Variants in ALCAM observed in about 807,000 individuals in gnomAD.
The protein encoded by ALCAM is CD166 antigen.
ALCAM carries 30 observed loss-of-function variants against 70.9 expected under a neutral mutation model. That is an observed-to-expected ratio of 0.42 (90% CI 0.32 to 0.57). ALCAM has a LOEUF of 0.57. ALCAM is among the 20% of genes least tolerant of loss of function. The pLI, the probability that ALCAM is intolerant of heterozygous loss-of-function variation, is 0.11. For missense variants in ALCAM, 591 were observed against 695.1 expected, an observed-to-expected ratio of 0.85 and a Z score of 1.68; for synonymous variants, 249 against 242.5, an observed-to-expected ratio of 1.03 and a Z score of -0.25.
At chr3:105,470,257 G>A (rs1046987444) in intron 1 of ALCAM, among the ~76,000 whole-genome samples, 20 of 150,316 alleles carry the variant, frequency 1.3e-4, no homozygotes, top group Admixed American at 7.3e-4. Context: ...AAATTGAAAG[G>A]CATGCATTTT....
chr3:105,394,317 C>T (rs1041853788), intron 1 of ALCAM, among the ~76,000 whole-genome samples: 5 of 151,920 alleles, frequency 3.3e-5, no homozygotes, highest in East Asian at 1.9e-4. Flanking sequence ...TACATAGCTA[C>T]GCGGAAGGGA....
intron 1 of ALCAM, among the ~76,000 whole-genome samples, chr3:105,369,573 C>T (rs781569319): frequency 6.6e-6 from 1 of 152,224 alleles, no homozygotes; most frequent in Non-Finnish European, 1.5e-5. Flanking sequence ...ACTGAGGAAG[C>T]AAGTCTTGGA....
chr3:105,473,890 T>G (rs1270972641), intron 1 of ALCAM, among the ~76,000 whole-genome samples: 7 of 151,526 alleles, frequency 4.6e-5, no homozygotes, highest in African/African-American at 1.5e-4. Context: ...TGTTTTGTTT[T>G]TTTTTTTAAA....
intron 1 of ALCAM, among the ~76,000 whole-genome samples, chr3:105,378,449 G>A (rs1284893617): frequency 1.3e-5 from 2 of 151,870 alleles, no homozygotes; most frequent in East Asian, 3.9e-4. Context: ...TAAGAAGAAT[G>A]TTTATGGTGA....
chr3:105,575,269 A>G lies in ALCAM; in HGVS notation c.*818A>G, dbSNP rs1940937108. On this transcript the variant is annotated 3_prime_UTR_variant, in exon 16 of 16. Coordinates refer to ENST00000306107, the MANE Select transcript of ALCAM (RefSeq NM_001627.4). ...GTGTGAGAGACAGTTTGGAAAAATC[A>G]TGGTCAACATTCCCATTTTCATAGA... is the stretch of plus-strand genomic sequence containing the variant. 1 of 152,618 alleles carries G rather than the reference A, an allele frequency of 6.6e-6. No individual in the cohort carries two copies. Among genetic ancestry groups the G allele is most frequent in the Non-Finnish European group, 1.5e-5 (1 of 68,034 alleles). The allele number at this position is 152,618 out of a possible 1,614,324, so 9.5% of individuals were successfully genotyped here. A position where few individuals can be genotyped will look rare whatever the true frequency, so the allele number is the denominator to read the frequency against.
At chr3:105,406,736 AAAC>A (rs1302174172) in intron 1 of ALCAM, among the ~76,000 whole-genome samples, 1 of 151,984 alleles carries the variant, frequency 6.6e-6, no homozygotes, top group East Asian at 1.9e-4. Context: ...CAACAACAAA[AAAC>A]AATAAAAAGA....
At chr3:105,520,361 T>A (rs1402208485) in intron 2 of ALCAM, among the ~76,000 whole-genome samples, 194 bp downstream of exon 2, 1 of 152,174 alleles carries the variant, frequency 6.6e-6, no homozygotes, top group Non-Finnish European at 1.5e-5. Flanking sequence ...TATTTTAAAA[T>A]AAAGCCAATA....
intron 14 of ALCAM, among the ~76,000 whole-genome samples, chr3:105,564,345 C>T (rs186764297): frequency 1.6e-4 from 24 of 152,274 alleles, no homozygotes; most frequent in Admixed American, 1.5e-3. Flanking sequence ...CTAAGCCTCA[C>T]AACACACTGT....
At chr3:105,567,534 G>A (rs1940770516) in intron 14 of ALCAM, among the ~76,000 whole-genome samples, 1 of 151,774 alleles carries the variant, frequency 6.6e-6, no homozygotes, top group Admixed American at 6.6e-5. Flanking sequence ...TTTGTTCCTA[G>A]GTTCACTAAT....
At chr3:105,494,486 C>T (rs550216845) in intron 1 of ALCAM, among the ~76,000 whole-genome samples, 2 of 150,726 alleles carry the variant, frequency 1.3e-5, no homozygotes, top group South Asian at 2.1e-4. Flanking sequence ...TCTCTTTTTT[C>T]GGCCTAAGCA....
At chr3:105,400,715 T>G (rs966341529) in intron 1 of ALCAM, among the ~76,000 whole-genome samples, 1 of 152,086 alleles carries the variant, frequency 6.6e-6, no homozygotes, top group Non-Finnish European at 1.5e-5. Context: ...GGTAGTTGTG[T>G]TGGAAGTGGT....
intron 1 of ALCAM, among the ~76,000 whole-genome samples, chr3:105,444,716 T>C (rs1008670404): frequency 6.6e-6 from 1 of 152,226 alleles, no homozygotes; most frequent in Non-Finnish European, 1.5e-5. Context: ...ATAATACTAT[T>C]TTAGTTTGTG....
At chr3:105,436,129 T>A (rs1937043484) in intron 1 of ALCAM, among the ~76,000 whole-genome samples, 1 of 152,164 alleles carries the variant, frequency 6.6e-6, no homozygotes, top group African/African-American at 2.4e-5. Flanking sequence ...GCCCCCATGA[T>A]TCAATCATCT....
intron 6 of ALCAM, among the ~76,000 whole-genome samples, chr3:105,537,148 C>T (rs1939991204): frequency 7.7e-6 from 1 of 129,644 alleles, no homozygotes; most frequent in South Asian, 2.4e-4. Flanking sequence ...CAGTCCACTC[C>T]TTTCTTACCC....
intron 1 of ALCAM, among the ~76,000 whole-genome samples, chr3:105,508,802 C>T (rs904501786): frequency 1.6e-5 from 2 of 125,380 alleles, no homozygotes; most frequent in Admixed American, 8.8e-5. Flanking sequence ...CCACAGTCAT[C>T]ATGCTGTACT....
At chr3:105,568,057 T>A (rs903431424) in intron 14 of ALCAM, among the ~76,000 whole-genome samples, 18 of 104,020 alleles carry the variant, frequency 1.7e-4, no homozygotes, top group African/African-American at 5.8e-4. Context: ...TATTTTATTT[T>A]ATTTTATTTT....
intron 12 of ALCAM, 138 bp downstream of exon 12, chr3:105,550,397 C>T (rs1940363236): frequency 2.3e-6 from 2 of 879,098 alleles, no homozygotes; most frequent in Non-Finnish European, 3.3e-6. Flanking sequence ...GTATCATCAT[C>T]ATAAGGTTAT....
intron 1 of ALCAM, among the ~76,000 whole-genome samples, chr3:105,449,324 T>C (rs1253091696): frequency 6.6e-6 from 1 of 152,242 alleles, no homozygotes. Context: ...AAAGCTTGCA[T>C]ATTTAATAAG....
chr3:105,539,977 C>A lies in ALCAM; in HGVS notation c.733C>A (p.Pro245Thr), dbSNP rs774790957. The A allele has an allele frequency of 6.2e-7, 1 of 1,611,332 alleles. No individual in the cohort carries two copies. Among genetic ancestry groups the A allele is most frequent in the South Asian group, 1.1e-5 (1 of 90,832 alleles). The change falls in exon 7 of 16, where the codon CCT becomes ACT. Residue 245 changes from proline to threonine, a missense_variant and splice_region_variant. Physicochemically the swap from Pro to Thr is conservative, Grantham distance 38. Coordinates refer to ENST00000306107, the MANE Select transcript of ALCAM (RefSeq NM_001627.4). ...ACTTGTGTCTGTAACTCTTACAGATCCTACAGAGCAGGTGACAATACAAGT... is the reference window on the plus strand; with the variant it reads ...ACTTGTGTCTGTAACTCTTACAGATACTACAGAGCAGGTGACAATACAAGT... The part of the protein sequence containing the change: ...SEQAVFDIYY[P>T]TEQVTIQVLP...
Sources: allele counts gnomAD v4.1 joint callset (sites outside exome capture counted in the v4.1 genomes callset), GRCh38; gene constraint gnomAD v4.1.1; transcripts MANE v1.5; gene names NCBI Gene and HGNC (gene_info 2026-07-23, HGNC 2026-07-21).